GPHN: variants seen among roughly 807,000 people sequenced by gnomAD.
The protein encoded by GPHN is gephyrin.
In GPHN, 17 loss-of-function variants were observed where a neutral mutation model predicts 95.5. The ratio of observed to expected loss-of-function variants is 0.18; its 90% CI spans 0.12 to 0.27. The LOEUF (loss-of-function observed/expected upper bound fraction) is 0.27. Ranked by LOEUF, GPHN falls within the 10% of genes least tolerant of loss-of-function variation. The probability of loss-of-function intolerance (pLI) is 1.00; values close to 1 mark genes in which losing one functional copy is unlikely to be tolerated. For missense variants in GPHN, 660 were observed against 978.1 expected (o/e 0.67, Z 4.34); for synonymous variants, 320 against 322.5 (o/e 0.99, Z 0.08).
intron 11 of GPHN, among the ~76,000 whole-genome samples, chr14:67,070,801 T>C (rs1186855771): frequency 6.6e-6 from 1 of 150,814 alleles, no homozygotes; most frequent in East Asian, 1.9e-4. Flanking sequence ...TTGTGTGCTT[T>C]TACCACCGTA....
rs540488337 is a variant in GPHN at position 66,835,821 on chromosome 14, G to A, written c.294+11255G>A. ...CCAACAACAGACAGAGAGCCAAATC[G>A]TGAGTGAACTCCCATTCACAATTGC... On this transcript the variant is annotated intron_variant, in intron 4 of 22. Coordinates refer to ENST00000478722, the MANE Select transcript of GPHN (RefSeq NM_020806.5). Among the ~76,000 whole-genome samples, 135 of 152,118 alleles carry A rather than the reference G, an allele frequency of 8.9e-4. 1 individual carries two copies. Among genetic ancestry groups the A allele is most frequent in the Non-Finnish European group, 1.4e-3 (92 of 68,004 alleles).
At chr14:67,259,867 G>T in the GPHN span, among the ~76,000 whole-genome samples, 1 of 142,504 alleles carries the variant, frequency 7.0e-6, no homozygotes, top group African/African-American at 2.7e-5. Context: ...AGCTATGATT[G>T]TGCTCCATCT....
chr14:66,700,476 A>G (rs550230904), intron 2 of GPHN, among the ~76,000 whole-genome samples: 4 of 152,294 alleles, frequency 2.6e-5, no homozygotes, highest in South Asian at 4.1e-4. Context: ...TTTCTCCCTT[A>G]TGATCTAATT....
chr14:67,112,862 A>C (rs911010978), intron 15 of GPHN, among the ~76,000 whole-genome samples, 156 bp from the exon 16 acceptor site: 1 of 152,162 alleles, frequency 6.6e-6, no homozygotes, highest in Non-Finnish European at 1.5e-5. Context: ...AAAGCATAGG[A>C]TTTTTAGAAT....
chr14:67,121,242 G>T (rs1202788860), intron 16 of GPHN, among the ~76,000 whole-genome samples: 2 of 152,062 alleles, frequency 1.3e-5, no homozygotes, highest in East Asian at 3.8e-4. Context: ...ATCTGTGTAT[G>T]TGAAGGACCC....
chr14:67,469,764 G>A, the GPHN span, among the ~76,000 whole-genome samples: 1 of 152,208 alleles, frequency 6.6e-6, no homozygotes, highest in Non-Finnish European at 1.5e-5. Context: ...AGGGCTGCCA[G>A]GGAGGAGTGC....
chr14:66,899,122 C>CTTT (rs149566081), intron 5 of GPHN, among the ~76,000 whole-genome samples: 1 of 130,810 alleles, frequency 7.6e-6, no homozygotes, highest in Non-Finnish European at 1.7e-5. Context: ...AGGGCTTTTT[C>CTTT]TTTTTTTTTT....
At chr14:67,355,512 G>A in the GPHN span, among the ~76,000 whole-genome samples, 1 of 120,232 alleles carries the variant, frequency 8.3e-6, no homozygotes, top group Non-Finnish European at 1.7e-5. Flanking sequence ...CCATGCAGTA[G>A]TACATGCTAC....
intron 11 of GPHN, among the ~76,000 whole-genome samples, chr14:67,061,468 A>G (rs2075821408): frequency 6.6e-6 from 1 of 151,102 alleles, no homozygotes; most frequent in African/African-American, 2.4e-5. Flanking sequence ...CGTTATTAAC[A>G]CTCCCTACAC....
intron 2 of GPHN, among the ~76,000 whole-genome samples, chr14:66,713,518 T>C (rs1235658535): frequency 2.6e-5 from 4 of 152,200 alleles, no homozygotes; most frequent in African/African-American, 4.8e-5. Context: ...AGTACCATGC[T>C]GTTTTGGTGA....
chr14:67,671,504 C>A, the GPHN span, among the ~76,000 whole-genome samples: 1 of 151,566 alleles, frequency 6.6e-6, no homozygotes, highest in African/African-American at 2.4e-5. Context: ...CCAGCCTGGG[C>A]GACAGAGCAA....
rs113150378 is a variant in GPHN, at chr14:67,089,362, G to A, written c.1237+287G>A. ...TTATTTTTAATATTTGTGGATACAT[G>A]GTAGGTATACATATTTATGGGGTAC... is the stretch of plus-strand genomic sequence containing the variant. On this transcript the variant is annotated intron_variant, in intron 12 of 22. Transcript: ENST00000478722. Among the ~76,000 whole-genome samples the A allele has an allele frequency of 6.1e-4, 93 of 151,646 alleles. 2 individuals carry two copies. The highest frequency in any genetic ancestry group is 2.0e-3 in the African/African-American group (83 of 41,442).
intron 2 of GPHN, among the ~76,000 whole-genome samples, chr14:66,754,065 T>C (rs371913032): frequency 6.6e-6 from 1 of 152,148 alleles, no homozygotes; most frequent in East Asian, 1.9e-4. Flanking sequence ...TTCTGGATAG[T>C]AATCCATTAT....
the GPHN span, chr14:67,292,400 A>AT: frequency 1.4e-6 from 1 of 692,122 alleles, no homozygotes; most frequent in Non-Finnish European, 2.4e-6. Context: ...AGATTTTGGT[A>AT]TTTTTCTGAA....
At chr14:67,387,531 T>C in the GPHN span, 2 of 1,462,568 alleles carry the variant, frequency 1.4e-6, no homozygotes, top group African/African-American at 1.4e-5. Context: ...CAGCAGAAAG[T>C]CAACTGAGAC....
chr14:67,223,529 A>G, the GPHN span, among the ~76,000 whole-genome samples: 1 of 152,232 alleles, frequency 6.6e-6, no homozygotes, highest in African/African-American at 2.4e-5. Flanking sequence ...TCTAGCAGGC[A>G]GCTTGAAATG....
chr14:67,412,993 C>G, the GPHN span, among the ~76,000 whole-genome samples: 1 of 152,086 alleles, frequency 6.6e-6, no homozygotes, highest in Non-Finnish European at 1.5e-5. Flanking sequence ...TGATTCCTGG[C>G]CTCAAGCAAT....
chr14:66,919,450 C>T (rs79434980), intron 6 of GPHN, among the ~76,000 whole-genome samples: 1,831 of 152,190 alleles, frequency 0.012, 19 homozygotes, highest in Non-Finnish European at 0.018. Context: ...GTGGGGTCAC[C>T]GAAGCCCAAA....
chr14:67,088,851 C>T, intron 11 of GPHN, 132 bp from the exon 12 acceptor site: 1 of 690,936 alleles, frequency 1.4e-6, no homozygotes, highest in South Asian at 1.5e-5. Flanking sequence ...TTTCTTGGGA[C>T]AGAAATCAGG....
Sources: allele counts gnomAD v4.1 joint callset (sites outside exome capture counted in the v4.1 genomes callset), GRCh38; gene constraint gnomAD v4.1.1; transcripts MANE v1.5; gene names NCBI Gene and HGNC (gene_info 2026-07-23, HGNC 2026-07-21).